Variants in SLC10A7 observed in about 807,000 individuals in gnomAD.
The protein encoded by SLC10A7 is sodium/bile acid cotransporter 7.
SLC10A7 carries 29 observed loss-of-function variants against 43.2 expected under a neutral mutation model. The ratio of observed to expected loss-of-function variants is 0.67; its 90% CI spans 0.50 to 0.92. The LOEUF is 0.92. Ranked by LOEUF, SLC10A7 falls within the 40% of genes least tolerant of loss-of-function variation. The pLI, the probability that SLC10A7 is intolerant of heterozygous loss-of-function variation, is 0.00. For missense variants in SLC10A7, 295 were observed against 403.2 expected (o/e 0.73, Z 2.30); for synonymous variants, 152 against 144.8 (o/e 1.05, Z -0.35).
chr4:146,454,711 C>T (rs1246418311), intron 4 of SLC10A7, among the ~76,000 whole-genome samples: 1 of 151,714 alleles, frequency 6.6e-6, no homozygotes, highest in African/African-American at 2.4e-5. Context: ...ATTAGATGCT[C>T]AATGTCTGAC....
At chr4:146,305,063 T>C (rs1214515864) in intron 7 of SLC10A7, among the ~76,000 whole-genome samples, 1 of 151,558 alleles carries the variant, frequency 6.6e-6, no homozygotes, top group Non-Finnish European at 1.5e-5. Flanking sequence ...GACCCAGCCA[T>C]CCCATTACTG....
rs1349471052 is a variant in SLC10A7, at chr4:146,355,583, T to C, written c.436-29587A>G. Among the ~76,000 whole-genome samples, 6 of 151,938 alleles carry C rather than the reference T, an allele frequency of 3.9e-5. No individual in the cohort carries two copies. In the East Asian group the frequency reaches 1.2e-3, roughly 29 times the overall value. The stretch of plus-strand genomic sequence containing the variant: ...TAAATCATGCTGCTATAAAGACACA[T>C]GCACACGTATGTTTATTGTGGCATT... On this transcript the variant is annotated intron_variant, in intron 5 of 11. Coordinates refer to ENST00000335472, the MANE Select transcript of SLC10A7 (RefSeq NM_001029998.6).
chr4:146,312,521 T>C (rs918549685), intron 6 of SLC10A7, among the ~76,000 whole-genome samples: 8 of 152,112 alleles, frequency 5.3e-5, no homozygotes, highest in Non-Finnish European at 1.2e-4. Context: ...GTAAATTAGG[T>C]GTCCAGAACT....
chr4:146,505,400 T>C (rs986077191), intron 3 of SLC10A7, among the ~76,000 whole-genome samples: 1 of 152,200 alleles, frequency 6.6e-6, no homozygotes, highest in African/African-American at 2.4e-5. Flanking sequence ...ATTAATCGAC[T>C]CTTTATATTA....
intron 3 of SLC10A7, among the ~76,000 whole-genome samples, chr4:146,507,415 C>A (rs1040987190): frequency 1.3e-5 from 2 of 152,052 alleles, no homozygotes; most frequent in Non-Finnish European, 2.9e-5. Flanking sequence ...CAAAAATTAG[C>A]CGGGCATGGT....
intron 5 of SLC10A7, among the ~76,000 whole-genome samples, chr4:146,433,439 C>T (rs1444470670): frequency 6.6e-6 from 1 of 151,922 alleles, no homozygotes; most frequent in Non-Finnish European, 1.5e-5. Context: ...TAAACAGATA[C>T]AAGATCAACT....
chr4:146,349,189 C>T (rs543594817), intron 5 of SLC10A7, among the ~76,000 whole-genome samples: 2 of 152,036 alleles, frequency 1.3e-5, no homozygotes, highest in African/African-American at 4.8e-5. Context: ...CTACTTGTTA[C>T]TACTATAGTC....
intron 4 of SLC10A7, among the ~76,000 whole-genome samples, chr4:146,451,724 C>T (rs1286484892): frequency 6.6e-6 from 1 of 152,026 alleles, no homozygotes; most frequent in Non-Finnish European, 1.5e-5. Context: ...AGAAGTTACA[C>T]ACCTTAGATA....
In SLC10A7 at chr4:146,353,894, A is replaced by C. The variant is rs1330319179; in HGVS notation, c.436-27898T>G. Among the ~76,000 whole-genome samples the C allele has an allele frequency of 2.2e-5, 3 of 134,970 alleles. No homozygotes were observed. The East Asian group carries it at 6.5e-4, about 29-fold the overall frequency. 88.5% of individuals were successfully genotyped at this position (134,970 alleles called of 152,430 possible). A position where few individuals can be genotyped will look rare whatever the true frequency, so the allele number is the denominator to read the frequency against. Reference sequence around the variant, plus strand: ...GTATTGATGGGACGTATTTCAAAAAAATAAGAGCTATCTATGACAAACCCA... The same window carrying C: ...GTATTGATGGGACGTATTTCAAAAACATAAGAGCTATCTATGACAAACCCA... On this transcript the variant is annotated intron_variant, in intron 5 of 11. Transcript: ENST00000335472.
intron 10 of SLC10A7, among the ~76,000 whole-genome samples, chr4:146,260,046 T>C (rs1261344731): frequency 6.6e-6 from 1 of 152,240 alleles, no homozygotes; most frequent in Non-Finnish European, 1.5e-5. Flanking sequence ...ATGTGTTTCA[T>C]GGTTACTTTC....
At chr4:146,316,482 A>G (rs1578864614) in intron 6 of SLC10A7, among the ~76,000 whole-genome samples, 2 of 152,200 alleles carry the variant, frequency 1.3e-5, no homozygotes, top group South Asian at 4.1e-4. Context: ...GGACACAGCA[A>G]AAAAGCAGCC....
At chr4:146,414,467 T>A (rs887876256) in intron 5 of SLC10A7, among the ~76,000 whole-genome samples, 1 of 152,154 alleles carries the variant, frequency 6.6e-6, no homozygotes, top group Non-Finnish European at 1.5e-5. Flanking sequence ...CTCACGCCTG[T>A]AATCCCAGCA....
intron 6 of SLC10A7, among the ~76,000 whole-genome samples, chr4:146,319,123 C>G (rs1353336657): frequency 6.6e-6 from 1 of 152,088 alleles, no homozygotes; most frequent in Non-Finnish European, 1.5e-5. Flanking sequence ...TCCTGTCTCT[C>G]TCAAATTAAA....
chr4:146,515,117 G>A (rs1259100623), intron 2 of SLC10A7: 3 of 702,362 alleles, frequency 4.3e-6, no homozygotes, highest in Non-Finnish European at 7.8e-6. Flanking sequence ...ATCCCACAAA[G>A]TTGGCTGCTT....
At chr4:146,357,382 C>T (rs1263646334) in intron 5 of SLC10A7, among the ~76,000 whole-genome samples, 1 of 152,254 alleles carries the variant, frequency 6.6e-6, no homozygotes, top group South Asian at 2.1e-4. Flanking sequence ...CATTTTCCAG[C>T]TAAAATATTT....
At chr4:146,382,923 G>T (rs1418402272) in intron 5 of SLC10A7, among the ~76,000 whole-genome samples, 1 of 151,752 alleles carries the variant, frequency 6.6e-6, no homozygotes, top group Non-Finnish European at 1.5e-5. Flanking sequence ...ATTGGGGGTG[G>T]GGGGTGCAGA....
chr4:146,307,995 C>T (rs181181981), intron 6 of SLC10A7, among the ~76,000 whole-genome samples: 3 of 152,272 alleles, frequency 2.0e-5, no homozygotes, highest in Admixed American at 2.0e-4. Context: ...TTGGAAACCG[C>T]GTGTTCTTAG....
intron 1 of SLC10A7, among the ~76,000 whole-genome samples, chr4:146,519,194 T>A (rs1738370004): frequency 7.3e-6 from 1 of 136,910 alleles, no homozygotes; most frequent in Non-Finnish European, 1.5e-5. Context: ...ATATATAATA[T>A]ACATAATATC....
Position 146,283,271 on chromosome 4 carries a change from G to C in SLC10A7, c.774-6C>G. 2 of 1,611,070 alleles carry C rather than the reference G, an allele frequency of 1.2e-6. No individual in the cohort carries two copies. Among genetic ancestry groups the C allele is most frequent in the Non-Finnish European group, 1.7e-6 (2 of 1,178,362 alleles). On this transcript the variant is annotated splice_polypyrimidine_tract_variant and splice_region_variant and intron_variant, in intron 9 of 11. Coordinates refer to ENST00000335472, the MANE Select transcript of SLC10A7 (RefSeq NM_001029998.6). ...GTGTGAAACCCGAATTATTCCTAGG[G>C]GCAAAAAAAGATTTTGACAAATACT...
Sources: allele counts gnomAD v4.1 joint callset (sites outside exome capture counted in the v4.1 genomes callset), GRCh38; gene constraint gnomAD v4.1.1; transcripts MANE v1.5; gene names NCBI Gene and HGNC (gene_info 2026-07-23, HGNC 2026-07-21).